Variants in BAP1 observed in about 807,000 individuals in gnomAD.
The protein encoded by BAP1 is ubiquitin carboxyl-terminal hydrolase BAP1.
BAP1 carries 16 observed loss-of-function variants against 77.2 expected under a neutral mutation model. The ratio of observed to expected loss-of-function variants is 0.21; its 90% CI spans 0.14 to 0.31. The LOEUF (loss-of-function observed/expected upper bound fraction) is 0.31. Ranked by LOEUF, BAP1 falls within the 10% of genes least tolerant of loss-of-function variation. The pLI is 1.00. For missense variants in BAP1, 699 were observed against 967.3 expected (o/e 0.72, Z 3.68); for synonymous variants, 362 against 385.2 (o/e 0.94, Z 0.71).
At position 52,401,666 on chromosome 3, in the gene BAP1, G is replaced by C. The variant is rs1303322700; in HGVS notation, c.*622C>G. On this transcript the variant is annotated 3_prime_UTR_variant, in exon 17 of 17. Coordinates refer to ENST00000460680, the MANE Select transcript of BAP1 (RefSeq NM_004656.4). ...CAGCCTGCTCACCCCAACCCCACTG[G>C]GACACCCTACTCCCAACCCAGCCCA... The C allele has an allele frequency of 8.4e-6, 2 of 237,718 alleles. No individual in the cohort carries two copies. Among genetic ancestry groups the C allele is most frequent in the Non-Finnish European group, 1.7e-5 (2 of 120,792 alleles). 14.7% of individuals were successfully genotyped at this position (237,718 alleles called of 1,614,324 possible).
At chr3:52,405,063 C>T (rs780639705) in intron 11 of BAP1, 47 bp downstream of exon 11, 1 of 1,611,088 alleles carries the variant, frequency 6.2e-7, no homozygotes, top group Non-Finnish European at 8.5e-7. Context: ...GTTGCAGCCT[C>T]TCAAGAGAAT....
In BAP1 at chr3:52,403,910, A is replaced by T; in HGVS notation, c.1251-16T>A. The stretch of plus-strand genomic sequence containing the variant: ...CCCCTTATACCTGTGGGGCCCGAGA[A>T]GATGTGAAGCAAGGGAACGGGCCAG... On this transcript the variant is annotated splice_polypyrimidine_tract_variant and intron_variant, in intron 12 of 16. Transcript: ENST00000460680. The surrounding 1 kb of genome is among the most constrained non-coding windows in gnomAD (Gnocchi z 4.0). 2 of 1,613,414 alleles carry T rather than the reference A, an allele frequency of 1.2e-6. No homozygotes were observed. Among genetic ancestry groups the T allele is most frequent in the Non-Finnish European group, 1.7e-6 (2 of 1,179,728 alleles).
In BAP1 at chr3:52,403,134, T is replaced by A. The variant is rs2153226427; in HGVS notation, c.1890+4A>T. On this transcript the variant is annotated splice_donor_region_variant and intron_variant, in intron 14 of 16. Coordinates refer to ENST00000460680, the MANE Select transcript of BAP1 (RefSeq NM_004656.4). The surrounding 1 kb of genome is among the most constrained non-coding windows in gnomAD (Gnocchi z 4.0). ...TAAAGGAGAAAACCACAACGGAGGCTCACCTTGGGTGAGTATTTCTCCCCA... is the reference window on the plus strand; with the variant it reads ...TAAAGGAGAAAACCACAACGGAGGCACACCTTGGGTGAGTATTTCTCCCCA... 6.2e-7 allele frequency: 1 copy of A among 1,612,878 alleles called. No homozygotes were observed.
chr3:52,402,160 AT>A lies in BAP1; in HGVS notation c.*127del, dbSNP rs1704975705. ...GAAGGAATGTGGCCTGGTTCCTCCCATTCCCAGGGCCTGGACTCTCCAGCTG... is the reference window on the plus strand; with the variant it reads ...GAAGGAATGTGGCCTGGTTCCTCCCATCCCAGGGCCTGGACTCTCCAGCTG... On this transcript the variant is annotated 3_prime_UTR_variant, in exon 17 of 17. Coordinates refer to ENST00000460680, the MANE Select transcript of BAP1 (RefSeq NM_004656.4). The surrounding 1 kb of genome is among the most constrained non-coding windows in gnomAD (Gnocchi z 5.3). 1.2e-5 allele frequency: 17 copies of A among 1,451,862 alleles called. No individual in the cohort carries two copies. Among genetic ancestry groups the A allele is most frequent in the Non-Finnish European group, 1.6e-5 (17 of 1,079,300 alleles). The allele number at this position is 1,451,862 out of a possible 1,614,324, so 89.9% of individuals were successfully genotyped here.
intron 3 of BAP1, 27 bp from the exon 4 acceptor site, chr3:52,408,633 A>G (rs1287986722): frequency 6.2e-7 from 1 of 1,603,448 alleles, no homozygotes; most frequent in South Asian, 1.1e-5. Context: ...GCAGAGCCAG[A>G]TCAGCCAAAG....
intron 1 of BAP1, 45 bp downstream of exon 1, chr3:52,409,797 C>G (rs2153228664): frequency 6.2e-7 from 1 of 1,613,080 alleles, no homozygotes; most frequent in Non-Finnish European, 8.5e-7. Context: ...CGTCCCGGGC[C>G]CATCCGGCCT....
Position 52,406,374 on chromosome 3 carries a change from T to C in BAP1, c.662A>G (p.Glu221Gly), listed in dbSNP as rs972414598. ...MERIGLATAG[E>G]PYHDIRFNLM... The stretch of plus-strand genomic sequence containing the variant: ...GTTGAAGCGGATGTCGTGGTAGGGC[T>C]CCCTGCAGTCACAGCCGCAGCCGTG... Residue 221 changes from glutamate to glycine, a missense_variant and splice_region_variant, in exon 9 of 17, where the codon GAG becomes GGG. Physicochemically the swap from Glu to Gly is moderately conservative, Grantham distance 98 (BLOSUM62 -2). Coordinates refer to ENST00000460680, the MANE Select transcript of BAP1 (RefSeq NM_004656.4). The surrounding 1 kb of genome is among the most constrained non-coding windows in gnomAD (Gnocchi z 4.6). 6.2e-7 allele frequency: 1 copy of C among 1,613,314 alleles called. No individual in the cohort carries two copies. Among genetic ancestry groups the C allele is most frequent in the African/African-American group, 1.3e-5 (1 of 75,038 alleles).
In BAP1 at chr3:52,403,906, G is replaced by C. The variant is rs924673060; in HGVS notation, c.1251-12C>G. The stretch of plus-strand genomic sequence containing the variant: ...CCTTCCCCTTATACCTGTGGGGCCC[G>C]AGAAGATGTGAAGCAAGGGAACGGG... On this transcript the variant is annotated splice_polypyrimidine_tract_variant and intron_variant, in intron 12 of 16. Transcript: ENST00000460680. This position sits in a 1 kb window ranked among gnomAD's most constrained non-coding sequence, Gnocchi z 4.0. 6.2e-7 allele frequency: 1 copy of C among 1,613,486 alleles called. No individual in the cohort carries two copies.
Position 52,406,652 on chromosome 3 carries a change from G to C in BAP1, c.659+177C>G. 1 of 906,822 alleles carries C rather than the reference G, an allele frequency of 1.1e-6. No individual in the cohort carries two copies. The highest frequency in any genetic ancestry group is 2.6e-5 in the East Asian group (1 of 37,830). 56.2% of individuals were successfully genotyped at this position (906,822 alleles called of 1,614,324 possible). A position where few individuals can be genotyped will look rare whatever the true frequency, so the allele number is the denominator to read the frequency against. On this transcript the variant is annotated intron_variant, in intron 8 of 16. Coordinates refer to ENST00000460680, the MANE Select transcript of BAP1 (RefSeq NM_004656.4). The surrounding 1 kb of genome is among the most constrained non-coding windows in gnomAD (Gnocchi z 4.6). ...CCCTCCCCCAGCCCACCCAGGAGCA[G>C]GCCACAGGCAGCCCAGGCAGGAAAT...
At chr3:52,404,411 C>G (rs150454901) in intron 12 of BAP1, 42 bp downstream of exon 12, 1 of 1,614,044 alleles carries the variant, frequency 6.2e-7, no homozygotes. Flanking sequence ...GGATGGGATC[C>G]GAAGCACCTA....
chr3:52,405,633 C>G, intron 10 of BAP1, 132 bp downstream of exon 10: 2 of 1,422,892 alleles, frequency 1.4e-6, no homozygotes, highest in African/African-American at 1.4e-5. Context: ...ACTGCTCTCC[C>G]TCTACCTTCT....
Position 52,406,401 on chromosome 3 carries a change from G to A in BAP1, c.660-25C>T, listed in dbSNP as rs2153227520. ...CCTGCAGTCACAGCCGCAGCCGTGA[G>A]AGCAGCTCCCGCCCCGGCCCCGCCA... On this transcript the variant is annotated intron_variant, in intron 8 of 16. Coordinates refer to ENST00000460680, the MANE Select transcript of BAP1 (RefSeq NM_004656.4). The surrounding 1 kb of genome is among the most constrained non-coding windows in gnomAD (Gnocchi z 4.6). 1.2e-6 allele frequency: 2 copies of A among 1,611,902 alleles called. No individual in the cohort carries two copies. The highest frequency in any genetic ancestry group is 2.2e-5 in the East Asian group (1 of 44,878).
In BAP1 at chr3:52,403,224, C is replaced by G. The variant is rs2153226477; in HGVS notation, c.1804G>C (p.Glu602Gln). The change falls in exon 14 of 17, where the codon GAG (glutamate) becomes CAG (glutamine). Residue 602 changes from glutamate (E) to glutamine (Q), a missense_variant. Glu to Gln is a conservative substitution (Grantham distance 29). Around this residue, in one of 3 missense-constraint regions of BAP1, gnomAD observed 475 missense variants for 532.4 expected, o/e 0.89. Coordinates refer to ENST00000460680, the MANE Select transcript of BAP1 (RefSeq NM_004656.4). This position sits in a 1 kb window ranked among gnomAD's most constrained non-coding sequence, Gnocchi z 4.0. ...SQGSSSPVEK[E>Q]VVEATDSREK... is the part of the protein sequence containing the mutation. ...CTGCTGTCCGTGGCTTCCACGACCT[C>G]CTTCTCCACTGGGCTGCTGGACCCC... 1 of 1,614,188 alleles carries G rather than the reference C, an allele frequency of 6.2e-7. No homozygotes were observed. Among genetic ancestry groups the G allele is most frequent in the South Asian group, 1.1e-5 (1 of 91,086 alleles).
intron 4 of BAP1, 135 bp from the exon 5 acceptor site, chr3:52,408,212 G>T: frequency 6.9e-7 from 1 of 1,439,246 alleles, no homozygotes; most frequent in Middle Eastern, 1.8e-4. Context: ...TTTCATCTTT[G>T]CCTAATGTTT....
At position 52,405,128 on chromosome 3, in the gene BAP1, A is replaced by G. The variant is rs1391804672; in HGVS notation, c.1098T>C (p.Tyr366=). The change falls in exon 11 of 17, where the codon TAT becomes TAC. Residue 366 remains tyrosine (Y), a synonymous_variant. Coordinates refer to ENST00000460680, the MANE Select transcript of BAP1 (RefSeq NM_004656.4). ...RLPAFLDNHN[Y]AKSPMQEEED... is the part of the protein sequence containing the mutation. ...AGCTTACCTGCATGGGGGACTTGGC[A>G]TAATTGTGATTGTCTAGAAAGGCCG... 2 of 1,614,160 alleles carry G rather than the reference A, an allele frequency of 1.2e-6. No homozygotes were observed. The highest frequency in any genetic ancestry group is 1.1e-5 in the South Asian group (1 of 91,084).
chr3:52,402,524 G>C lies in BAP1; in HGVS notation c.2056+78C>G. On this transcript the variant is annotated intron_variant, in intron 16 of 16. Coordinates refer to ENST00000460680, the MANE Select transcript of BAP1 (RefSeq NM_004656.4). This position sits in a 1 kb window ranked among gnomAD's most constrained non-coding sequence, Gnocchi z 5.3. ...GCCCCAAGGTCTGCTCAAGCCTCAG[G>C]AGAGGCCAGGGGAGGGGAGCTGAAG... is the stretch of plus-strand genomic sequence containing the variant. 3 of 1,611,504 alleles carry C rather than the reference G, an allele frequency of 1.9e-6. No individual in the cohort carries two copies. The highest frequency in any genetic ancestry group is 2.5e-6 in the Non-Finnish European group (3 of 1,178,380).
rs1223222289 is a variant in BAP1, at chr3:52,409,580, G to T, written c.96C>A (p.Ile32=). The T allele has an allele frequency of 1.9e-6, 3 of 1,614,022 alleles. No individual in the cohort carries two copies. The highest frequency in any genetic ancestry group is 1.1e-5 in the South Asian group (1 of 91,078). ...CCTGACATTTGCTCTGAAGGTCGTA[G>T]ATCTCCTCCACTTGCACCCCCTTGA... The part of the protein sequence containing the change: ...FGVKGVQVEE[I]YDLQSKCQGP... Residue 32 remains isoleucine, a synonymous_variant, in exon 3 of 17, where the codon ATC becomes ATA. Coordinates refer to ENST00000460680, the MANE Select transcript of BAP1 (RefSeq NM_004656.4).
In BAP1 at chr3:52,403,596, T is replaced by C. The variant is rs1449536422; in HGVS notation, c.1549A>G (p.Thr517Ala). The change falls in exon 13 of 17, where the codon ACG becomes GCG. Residue 517 changes from threonine (T) to alanine (A), a missense_variant. Around this residue, in one of 3 missense-constraint regions of BAP1, gnomAD observed 475 missense variants for 532.4 expected, o/e 0.89. Coordinates refer to ENST00000460680, the MANE Select transcript of BAP1 (RefSeq NM_004656.4). This position sits in a 1 kb window ranked among gnomAD's most constrained non-coding sequence, Gnocchi z 4.0. ...LRSPIRSANP[T>A]RPSSPVTSHI... ...GAGGTGACAGGGCTGGAGGGCCGCG[T>C]CGGGTTGGCTGAGCGGATAGGCGAG... The C allele has an allele frequency of 1.9e-6, 3 of 1,614,022 alleles. No individual in the cohort carries two copies. Among genetic ancestry groups the C allele is most frequent in the Non-Finnish European group, 2.5e-6 (3 of 1,179,982 alleles).
In BAP1 at chr3:52,403,648, G is replaced by A. The variant is rs777417522; in HGVS notation, c.1497C>T (p.Ile499=). 5.9e-5 allele frequency: 96 copies of A among 1,613,596 alleles called. No individual in the cohort carries two copies. The highest frequency in any genetic ancestry group is 9.3e-5 in the African/African-American group (7 of 74,922). The part of the protein sequence containing the change: ...SNESTDTASE[I]GSAFNSPLRS... ...GCAGTGGCGAGTTGAAAGCACTGCCGATCTCAGAGGCCGTGTCTGTACTCT... is the reference window on the plus strand; with the variant it reads ...GCAGTGGCGAGTTGAAAGCACTGCCAATCTCAGAGGCCGTGTCTGTACTCT... Residue 499 remains isoleucine, a synonymous_variant, in exon 13 of 17, where the codon ATC becomes ATT. Transcript: ENST00000460680. This position sits in a 1 kb window ranked among gnomAD's most constrained non-coding sequence, Gnocchi z 4.0.
Sources: allele counts gnomAD v4.1 joint callset, GRCh38; gene constraint gnomAD v4.1.1; regional missense constraint gnomAD v4.1.1; non-coding constraint Gnocchi (gnomAD v3.1); transcripts MANE v1.5; gene names NCBI Gene and HGNC (gene_info 2026-07-23, HGNC 2026-07-21).